R3HDM4: variants seen among roughly 807,000 people sequenced by gnomAD.
R3HDM4 encodes the protein R3H domain-containing protein 4.
In R3HDM4, 30 loss-of-function variants were observed where a neutral mutation model predicts 31.3. That is an observed-to-expected ratio of 0.96 (90% CI 0.72 to 1.30). The LOEUF (loss-of-function observed/expected upper bound fraction) is 1.30. Among genes scored for constraint, R3HDM4 ranks in the 50% most tolerant of loss-of-function variants. The pLI is 0.00. For missense variants in R3HDM4, 444 were observed against 366.1 expected (o/e 1.21, Z -1.74); for synonymous variants, 196 against 156.6 (o/e 1.25, Z -1.88).
In R3HDM4 at chr19:899,829, G is replaced by C; in HGVS notation, c.562-143C>G. 6 of 773,484 alleles carry C rather than the reference G, an allele frequency of 7.8e-6. No individual in the cohort carries two copies. In the South Asian group the frequency reaches 1.1e-4, roughly 14 times the overall value. The allele number at this position is 773,484 out of a possible 1,614,324, so 47.9% of individuals were successfully genotyped here. A position where few individuals can be genotyped will look rare whatever the true frequency, so the allele number is the denominator to read the frequency against. On this transcript the variant is annotated intron_variant, in intron 5 of 7. Coordinates refer to ENST00000361574, the MANE Select transcript of R3HDM4 (RefSeq NM_138774.4). The surrounding 1 kb of genome is among the most constrained non-coding windows in gnomAD (Gnocchi z 6.8). ...CGTGAGGCTGCTTAAGTGTCTCTGA[G>C]GCCACCATGCCACCTCCTGCCTGTG...
chr19:904,391 A>G (rs1293822673), intron 1 of R3HDM4, among the ~76,000 whole-genome samples: 1 of 152,088 alleles, frequency 6.6e-6, no homozygotes, highest in Non-Finnish European at 1.5e-5. Context: ...CCTCAATAAA[A>G]ATTCTGTGAT....
chr19:898,192 GCT>G lies in R3HDM4; in HGVS notation c.704-654_704-653del, dbSNP rs1200983689. Among the ~76,000 whole-genome samples the G allele has an allele frequency of 3.3e-5, 5 of 149,480 alleles. No individual in the cohort carries two copies. The Admixed American group carries it at 3.4e-4, about 10-fold the overall frequency. On this transcript the variant is annotated intron_variant, in intron 7 of 7. Transcript: ENST00000361574. ...ACGAGGTCAGGTTGAGACCATCCTG[GCT>G]AACACAGTGAAACCCTGTCTCTACT...
chr19:910,040 G>C (rs554508291), intron 1 of R3HDM4, among the ~76,000 whole-genome samples: 1 of 151,640 alleles, frequency 6.6e-6, no homozygotes, highest in African/African-American at 2.4e-5. Flanking sequence ...TAAAAAATTA[G>C]CCAGGCCGGG....
intron 4 of R3HDM4, 100 bp from the exon 5 acceptor site, chr19:900,246 G>A (rs1568339912): frequency 2.2e-6 from 2 of 905,472 alleles, no homozygotes; most frequent in Middle Eastern, 3.6e-4. Flanking sequence ...GCCCATCTGT[G>A]CCTTGGCCTC....
intron 1 of R3HDM4, among the ~76,000 whole-genome samples, chr19:906,373 C>G (rs1177371396): frequency 6.6e-6 from 1 of 152,052 alleles, no homozygotes; most frequent in Non-Finnish European, 1.5e-5. Context: ...GTGCCCGCCA[C>G]CACGCCTGGC....
Position 901,564 on chromosome 19 carries a change from C to A in R3HDM4, c.227-18G>T. The stretch of plus-strand genomic sequence containing the variant: ...GTACTGGGCTAGGTGGAAACAGATG[C>A]TCTCTGGGCCGGGGTGGCATTTGGG... On this transcript the variant is annotated intron_variant, in intron 2 of 7. Transcript: ENST00000361574. The A allele has an allele frequency of 6.3e-7, 1 of 1,591,778 alleles. No homozygotes were observed.
rs185187707 is a variant in R3HDM4, at chr19:901,189, G to T, written c.351+233C>A. 3.8e-3 allele frequency: 2,531 copies of T among 664,824 alleles called. 7 individuals carry two copies. Among genetic ancestry groups the T allele is most frequent in the Non-Finnish European group, 5.1e-3 (2,043 of 400,836 alleles). The allele number at this position is 664,824 out of a possible 1,614,324, so 41.2% of individuals were successfully genotyped here. The stretch of plus-strand genomic sequence containing the variant: ...ATTGAGGTGAAACACTCCTGCAATC[G>T]TTGGAGGGTTCCCAAACGTGTTGGG... On this transcript the variant is annotated intron_variant, in intron 3 of 7. Coordinates refer to ENST00000361574, the MANE Select transcript of R3HDM4 (RefSeq NM_138774.4).
At chr19:901,250 G>T in intron 3 of R3HDM4, 172 bp downstream of exon 3, 1 of 732,768 alleles carries the variant, frequency 1.4e-6, no homozygotes, top group East Asian at 2.8e-5. Flanking sequence ...TCCAGGGGTG[G>T]GGTGGGGATT....
chr19:897,741 A>G (rs1430003050), intron 7 of R3HDM4, among the ~76,000 whole-genome samples: 1 of 152,174 alleles, frequency 6.6e-6, no homozygotes, highest in Non-Finnish European at 1.5e-5. Flanking sequence ...TCCCTACAGG[A>G]GCACTCTCCT....
At chr19:906,094 C>T (rs988465685) in intron 1 of R3HDM4, among the ~76,000 whole-genome samples, 11 of 151,940 alleles carry the variant, frequency 7.2e-5, no homozygotes, top group African/African-American at 1.7e-4. Flanking sequence ...GTGCGATCTC[C>T]GCTCACTGCA....
chr19:911,644 C>T (rs2036972362), intron 1 of R3HDM4, among the ~76,000 whole-genome samples: 2 of 152,212 alleles, frequency 1.3e-5, no homozygotes, highest in African/African-American at 4.8e-5. Flanking sequence ...CCAGGTGGCG[C>T]CGTCCGCACA....
chr19:901,043 A>G, intron 3 of R3HDM4, 91 bp from the exon 4 acceptor site: 2 of 1,431,524 alleles, frequency 1.4e-6, no homozygotes, highest in East Asian at 2.5e-5. Context: ...GCCGCCAAGC[A>G]CGTGGACGCG....
At position 899,363 on chromosome 19, in the gene R3HDM4, A is replaced by T. The variant is rs2036791829; in HGVS notation, c.703+77T>A. On this transcript the variant is annotated intron_variant, in intron 7 of 7. Transcript: ENST00000361574. The surrounding 1 kb of genome is among the most constrained non-coding windows in gnomAD (Gnocchi z 6.8). ...TCCCCACCAAGCCCCACTCTGAGGA[A>T]CCAGGCCCCTGGGACCCTGGCCACT... The T allele has an allele frequency of 6.8e-7, 1 of 1,476,370 alleles. No individual in the cohort carries two copies. The highest frequency in any genetic ancestry group is 9.5e-7 in the Non-Finnish European group (1 of 1,056,968). The allele number at this position is 1,476,370 out of a possible 1,614,324, so 91.5% of individuals were successfully genotyped here.
In R3HDM4 at chr19:907,779, G is replaced by A. The variant is rs776528038; in HGVS notation, c.71+5308C>T. Among the ~76,000 whole-genome samples, 4 of 152,114 alleles carry A rather than the reference G, an allele frequency of 2.6e-5. No homozygotes were observed. The highest frequency in any genetic ancestry group is 5.9e-5 in the Non-Finnish European group (4 of 68,024). On this transcript the variant is annotated intron_variant, in intron 1 of 7. Coordinates refer to ENST00000361574, the MANE Select transcript of R3HDM4 (RefSeq NM_138774.4). This position sits in a 1 kb window ranked among gnomAD's most constrained non-coding sequence, Gnocchi z 4.1. ...CCCCCTTGGCCTAGCACTGCAACAC[G>A]AGGGCTTTCGCCTGTTTTGTTTGGT...
intron 2 of R3HDM4, 120 bp downstream of exon 2, chr19:901,856 C>G: frequency 7.7e-7 from 1 of 1,298,242 alleles, no homozygotes; most frequent in Non-Finnish European, 1.1e-6. Context: ...GCTGACACCT[C>G]TTTGGGTCCC....
At chr19:902,291 C>A in intron 1 of R3HDM4, 161 bp from the exon 2 acceptor site, 1 of 700,982 alleles carries the variant, frequency 1.4e-6, no homozygotes. Context: ...TTTGTTTCAT[C>A]CTCACATCAC....
chr19:903,397 C>T (rs947431448), intron 1 of R3HDM4, among the ~76,000 whole-genome samples: 12 of 152,184 alleles, frequency 7.9e-5, no homozygotes, highest in East Asian at 1.9e-4. Context: ...ATCCAAGGGC[C>T]GAGCCACTCA....
chr19:901,561 A>T lies in R3HDM4; in HGVS notation c.227-15T>A. 1 of 1,595,440 alleles carries T rather than the reference A, an allele frequency of 6.3e-7. No individual in the cohort carries two copies. ...GAGGTACTGGGCTAGGTGGAAACAGATGCTCTCTGGGCCGGGGTGGCATTT... is the reference window on the plus strand; with the variant it reads ...GAGGTACTGGGCTAGGTGGAAACAGTTGCTCTCTGGGCCGGGGTGGCATTT... On this transcript the variant is annotated splice_polypyrimidine_tract_variant and intron_variant, in intron 2 of 7. Coordinates refer to ENST00000361574, the MANE Select transcript of R3HDM4 (RefSeq NM_138774.4).
At position 898,858 on chromosome 19, in the gene R3HDM4, C is replaced by G. The variant is rs563457448; in HGVS notation, c.703+582G>C. ...CAGAGGGAACAGAGGGAGGCATCGT[C>G]CGGTTGCCATGGAAACTGTCACCTC... is the stretch of plus-strand genomic sequence containing the variant. On this transcript the variant is annotated intron_variant, in intron 7 of 7. Transcript: ENST00000361574. Among the ~76,000 whole-genome samples, 4 of 152,278 alleles carry G rather than the reference C, an allele frequency of 2.6e-5. No individual in the cohort carries two copies. The South Asian group carries it at 8.3e-4, about 32-fold the overall frequency.
Sources: gnomAD v4.1 joint callset for allele counts (sites outside exome capture counted in the v4.1 genomes callset) on GRCh38, gnomAD v4.1.1 for gene constraint, Gnocchi (gnomAD v3.1) non-coding constraint, MANE v1.5 for transcripts, NCBI Gene and HGNC (gene_info 2026-07-23, HGNC 2026-07-21) for gene names.